Variants in VIL1 observed in about 807,000 individuals in gnomAD.
VIL1 encodes villin-1.
In VIL1, 86 loss-of-function variants were observed where a neutral mutation model predicts 104.0. The ratio of observed to expected loss-of-function variants is 0.83; its 90% CI spans 0.69 to 0.99. The LOEUF is 0.99. Among genes scored for constraint, VIL1 ranks in the 50% least tolerant of loss-of-function variants. The probability of loss-of-function intolerance (pLI) is 0.00; values close to 1 mark genes in which losing one functional copy is unlikely to be tolerated. For missense variants in VIL1, 944 were observed against 1,054.1 expected (o/e 0.90, Z 1.45); for synonymous variants, 394 against 412.6 (o/e 0.95, Z 0.55).
intron 19 of VIL1, among the ~76,000 whole-genome samples, chr2:218,449,005 GAA>G (rs11320086): frequency 6.8e-5 from 10 of 147,704 alleles, no homozygotes; most frequent in Admixed American, 6.7e-5. Flanking sequence ...ACATGGTCTG[GAA>G]AAAAAAAAAA....
In VIL1 at chr2:218,432,788, C is replaced by G; in HGVS notation, c.1342-5C>G. Reference sequence around the variant, plus strand: ...TCCCACTCACTCCCTCCTGCTCATCCCCAGGGCAGCCAGGCCAGCCAAGAT... The same window carrying G: ...TCCCACTCACTCCCTCCTGCTCATCGCCAGGGCAGCCAGGCCAGCCAAGAT... On this transcript the variant is annotated splice_region_variant and splice_polypyrimidine_tract_variant and intron_variant, in intron 12 of 19. Transcript: ENST00000248444. 6.2e-7 allele frequency: 1 copy of G among 1,613,944 alleles called. No homozygotes were observed. Among genetic ancestry groups the G allele is most frequent in the Non-Finnish European group, 8.5e-7 (1 of 1,179,986 alleles).
chr2:218,426,781 T>A (rs1288418744), intron 4 of VIL1, among the ~76,000 whole-genome samples: 1 of 152,018 alleles, frequency 6.6e-6, no homozygotes, highest in Non-Finnish European at 1.5e-5. Flanking sequence ...TTTTTGTATT[T>A]TTAGTAGAGA....
chr2:218,424,577 A>G (rs1004970393), intron 3 of VIL1, among the ~76,000 whole-genome samples: 2 of 152,178 alleles, frequency 1.3e-5, no homozygotes, highest in Non-Finnish European at 1.5e-5. Flanking sequence ...CTGTGGATTC[A>G]CAGTCTTGGG....
At chr2:218,435,176 A>T in intron 14 of VIL1, 113 bp from the exon 15 acceptor site, 1 of 1,439,756 alleles carries the variant, frequency 6.9e-7, no homozygotes, top group South Asian at 1.3e-5. Context: ...CTGTATACAC[A>T]AGGTCCTGAC....
chr2:218,431,894 G>A lies in VIL1; in HGVS notation c.1140G>A (p.Met380Ile), dbSNP rs1689105188. 2 of 1,613,840 alleles carry A rather than the reference G, an allele frequency of 1.2e-6. No homozygotes were observed. The highest frequency in any genetic ancestry group is 1.7e-6 in the Non-Finnish European group (2 of 1,180,006). ...AGGTGAAGTTCGATGCCACATCCAT[G>A]CATGTCAAGCCTCAGGTGGCTGCCC... is the stretch of plus-strand genomic sequence containing the variant. Reference protein sequence around the residue: ...VEQVKFDATSMHVKPQVAAQQ... With the variant: ...VEQVKFDATSIHVKPQVAAQQ... The change falls in exon 11 of 20, where the codon ATG becomes ATA. Residue 380 changes from methionine (M) to isoleucine (I), a missense_variant. By Grantham distance (10) the Met-to-Ile change is conservative (BLOSUM62 1). Coordinates refer to ENST00000248444, the MANE Select transcript of VIL1 (RefSeq NM_007127.3).
At chr2:218,437,745 C>G (rs1376993990) in intron 17 of VIL1, among the ~76,000 whole-genome samples, 6 of 152,182 alleles carry the variant, frequency 3.9e-5, no homozygotes, top group African/African-American at 1.2e-4. Context: ...TTCTAAAGGA[C>G]TGACAAATGT....
chr2:218,447,329 T>A (rs553747618), intron 19 of VIL1, among the ~76,000 whole-genome samples: 91 of 152,264 alleles, frequency 6.0e-4, no homozygotes, highest in Admixed American at 2.0e-3. Context: ...AAATCTTTTT[T>A]TTGAGACAGG....
intron 9 of VIL1, among the ~76,000 whole-genome samples, chr2:218,430,467 C>T (rs892330179): frequency 1.3e-5 from 2 of 152,002 alleles, no homozygotes; most frequent in East Asian, 3.9e-4. Context: ...AGTTGTGTTT[C>T]GGTATTAGAT....
intron 19 of VIL1, among the ~76,000 whole-genome samples, chr2:218,448,585 AT>A (rs1363938313): frequency 6.6e-6 from 1 of 151,672 alleles, no homozygotes; most frequent in African/African-American, 2.4e-5. Context: ...AAAGTTCCCC[AT>A]TTAATAGAGA....
intron 1 of VIL1, among the ~76,000 whole-genome samples, chr2:218,422,048 G>C (rs1276049337): frequency 6.6e-6 from 1 of 152,156 alleles, no homozygotes; most frequent in Non-Finnish European, 1.5e-5. Flanking sequence ...GAGGTCAGGA[G>C]TTCGAGACCA....
At chr2:218,446,255 GAC>G (rs1389499357) in intron 19 of VIL1, among the ~76,000 whole-genome samples, 1 of 152,014 alleles carries the variant, frequency 6.6e-6, no homozygotes, top group Non-Finnish European at 1.5e-5. Flanking sequence ...CTTTTTTTGA[GAC>G]AGAGTCTCAC....
chr2:218,424,942 G>C (rs528917519), intron 3 of VIL1, among the ~76,000 whole-genome samples: 2 of 152,046 alleles, frequency 1.3e-5, no homozygotes, highest in Non-Finnish European at 2.9e-5. Flanking sequence ...TTACAGGCAT[G>C]AGCCACCATG....
chr2:218,430,917 A>G (rs1042843462), intron 10 of VIL1, 39 bp downstream of exon 10: 8 of 1,589,352 alleles, frequency 5.0e-6, no homozygotes, highest in Admixed American at 1.8e-5. Flanking sequence ...GCCAGGATCC[A>G]GGAGCTGGGC....
chr2:218,434,453 C>T lies in VIL1; in HGVS notation c.1501-73C>T, dbSNP rs370651660. 2.8e-4 allele frequency: 425 copies of T among 1,497,464 alleles called. 6 individuals are homozygous for T. In the East Asian group the frequency reaches 5.4e-3, roughly 19 times the overall value. 92.8% of individuals were successfully genotyped at this position (1,497,464 alleles called of 1,614,324 possible). A position where few individuals can be genotyped will look rare whatever the true frequency, so the allele number is the denominator to read the frequency against. On this transcript the variant is annotated intron_variant, in intron 13 of 19. Transcript: ENST00000248444. ...AAACCTCCCCGCCCTACCCTATCCCCCTCTGTTCCCCATCATCTTCTTTAC... is the reference window on the plus strand; with the variant it reads ...AAACCTCCCCGCCCTACCCTATCCCTCTCTGTTCCCCATCATCTTCTTTAC...
chr2:218,424,174 C>T, intron 2 of VIL1, 103 bp from the exon 3 acceptor site: 1 of 985,360 alleles, frequency 1.0e-6, no homozygotes, highest in Non-Finnish European at 1.6e-6. Flanking sequence ...CATTCCTGGG[C>T]CCGGCTCTTT....
rs759485424 is a variant in VIL1 at position 218,427,975 on chromosome 2, G to A, written c.358G>A (p.Gly120Arg). Residue 120 changes from glycine (G) to arginine (R), a missense_variant, in exon 5 of 20, where the codon GGG becomes AGG. Transcript: ENST00000248444. ...YFKQGLVIRKGGVASGMKHVE... is the reference protein window; with the variant it reads ...YFKQGLVIRKRGVASGMKHVE... ...CACCTCTCTTCTCAGGATCCGGAAA[G>A]GGGGCGTGGCTTCTGGCATGAAGCA... 6 of 1,614,066 alleles carry A rather than the reference G, an allele frequency of 3.7e-6. No individual in the cohort carries two copies. The highest frequency in any genetic ancestry group is 5.1e-6 in the Non-Finnish European group (6 of 1,180,000).
At chr2:218,424,241 C>T in intron 2 of VIL1, 36 bp from the exon 3 acceptor site, 1 of 1,600,186 alleles carries the variant, frequency 6.2e-7, no homozygotes, top group Non-Finnish European at 8.6e-7. Flanking sequence ...TCCTGGTGGT[C>T]CAGGGCAGCC....
In VIL1 at chr2:218,440,742, G is replaced by A. The variant is rs752442648; in HGVS notation, c.2250G>A (p.Val750=). The part of the protein sequence containing the change: ...QITAEVTSPK[V]DVFNANSNLS... ...CCTAGGAGGTCACAAGCCCCAAAGTGGACGTGTTCAATGCTAACAGCAACC... is the reference window on the plus strand; with the variant it reads ...CCTAGGAGGTCACAAGCCCCAAAGTAGACGTGTTCAATGCTAACAGCAACC... Residue 750 remains valine (V), a synonymous_variant, in exon 19 of 20, where the codon GTG becomes GTA. Transcript: ENST00000248444. The A allele has an allele frequency of 6.2e-7, 1 of 1,614,114 alleles. No individual in the cohort carries two copies. The highest frequency in any genetic ancestry group is 1.1e-5 in the South Asian group (1 of 91,060).
chr2:218,425,424 G>A (rs918161903), intron 3 of VIL1, among the ~76,000 whole-genome samples, 191 bp from the exon 4 acceptor site: 3 of 152,216 alleles, frequency 2.0e-5, no homozygotes, highest in Non-Finnish European at 2.9e-5. Context: ...GCCCAGAGAG[G>A]AGAAGCCATG....
Sources: gnomAD v4.1 joint callset for allele counts (sites outside exome capture counted in the v4.1 genomes callset) on GRCh38, gnomAD v4.1.1 for gene constraint, MANE v1.5 for transcripts, NCBI Gene and HGNC (gene_info 2026-07-23, HGNC 2026-07-21) for gene names.